Variants in PCDH9 observed in about 807,000 individuals in gnomAD.
The protein encoded by PCDH9 is protocadherin-9.
A neutral mutation model predicts 70.6 loss-of-function variants in PCDH9; 24 were observed. That is an observed-to-expected ratio of 0.34 (90% confidence interval 0.25 to 0.48). The LOEUF (loss-of-function observed/expected upper bound fraction) is 0.48. Ranked by LOEUF, PCDH9 falls within the 20% of genes least tolerant of loss-of-function variation. The pLI, the probability that PCDH9 is intolerant of heterozygous loss-of-function variation, is 0.99. For missense variants in PCDH9, 1,281 were observed against 1,503.6 expected (o/e 0.85, Z 2.45); for synonymous variants, 562 against 558.5 (o/e 1.01, Z -0.09).
At chr13:66,902,967 AG>A (rs1160372613) in intron 3 of PCDH9, among the ~76,000 whole-genome samples, 1 of 151,852 alleles carries the variant, frequency 6.6e-6, no homozygotes, top group Non-Finnish European at 1.5e-5. Flanking sequence ...TTTTTAAAAA[AG>A]AAAGTAATGT....
At chr13:66,756,773 T>A (rs2139238706) in intron 3 of PCDH9, among the ~76,000 whole-genome samples, 1 of 152,300 alleles carries the variant, frequency 6.6e-6, no homozygotes, top group Non-Finnish European at 1.5e-5. Context: ...TTGCTGCTCA[T>A]CTAAGGACAA....
At chr13:67,078,347 A>G (rs1375551758) in intron 2 of PCDH9, among the ~76,000 whole-genome samples, 1 of 152,166 alleles carries the variant, frequency 6.6e-6, no homozygotes, top group Non-Finnish European at 1.5e-5. Context: ...CTTCTTTTGT[A>G]AGTGTGAAAC....
intron 4 of PCDH9, among the ~76,000 whole-genome samples, chr13:66,543,576 A>T (rs1015326485): frequency 1.3e-5 from 2 of 151,990 alleles, no homozygotes; most frequent in Admixed American, 1.3e-4. Flanking sequence ...CAAAAAAAAA[A>T]AAGATTAAGT....
At chr13:67,190,121 T>C (rs1269647414) in intron 2 of PCDH9, among the ~76,000 whole-genome samples, 1 of 152,036 alleles carries the variant, frequency 6.6e-6, no homozygotes, top group Admixed American at 6.6e-5. Flanking sequence ...ATTTTAAATA[T>C]GCAAAGAATC....
At chr13:66,345,450 T>C (rs1366815820) in intron 4 of PCDH9, among the ~76,000 whole-genome samples, 1 of 152,100 alleles carries the variant, frequency 6.6e-6, no homozygotes, top group Non-Finnish European at 1.5e-5. Flanking sequence ...TTCCAAAGCA[T>C]GACAGACTCA....
chr13:66,685,610 C>G (rs1248993871), intron 3 of PCDH9, among the ~76,000 whole-genome samples: 4 of 152,280 alleles, frequency 2.6e-5, no homozygotes, highest in Middle Eastern at 6.8e-3. Context: ...AATGGTAAAT[C>G]CACTGACAGC....
chr13:66,414,360 G>C (rs930618233), intron 4 of PCDH9, among the ~76,000 whole-genome samples: 10 of 152,172 alleles, frequency 6.6e-5, no homozygotes, highest in African/African-American at 2.2e-4. Flanking sequence ...GTAGTGTCTG[G>C]TGATCCAAAG....
chr13:66,861,299 CA>C (rs917131916), intron 3 of PCDH9, among the ~76,000 whole-genome samples: 29 of 152,168 alleles, frequency 1.9e-4, no homozygotes, highest in Non-Finnish European at 2.9e-5. Context: ...GGTGATAAAT[CA>C]GAACTTGGAA....
At chr13:67,214,966 A>ATATGTATATATATATATATATG (rs2089565657) in intron 2 of PCDH9, 1 of 135,034 alleles carries the variant, frequency 7.4e-6, no homozygotes, top group Non-Finnish European at 1.6e-5. Context: ...ATATATATAT[A>ATATGTATATATATATATATATG]TATATATTCA....
At chr13:66,961,937 G>A (rs911590683) in intron 2 of PCDH9, among the ~76,000 whole-genome samples, 1 of 152,064 alleles carries the variant, frequency 6.6e-6, no homozygotes, top group African/African-American at 2.4e-5. Context: ...GGTAATCCCA[G>A]CTACTTGGTA....
rs779651140 is a variant in PCDH9, at chr13:67,226,221, T to C, written c.2220A>G (p.Lys740=). 5.6e-6 allele frequency: 9 copies of C among 1,613,952 alleles called. No homozygotes were observed. The East Asian group carries it at 1.8e-4, about 32-fold the overall frequency. The change falls in exon 2 of 5, where the codon AAA becomes AAG. Residue 740 remains lysine (K), a synonymous_variant. Coordinates refer to ENST00000377865, the MANE Select transcript of PCDH9 (RefSeq NM_203487.3). This position sits in a 1 kb window ranked among gnomAD's most constrained non-coding sequence, Gnocchi z 5.0. ...GCAATCCCACATCAGTAGGTGCTGG[T>C]TTTTCTTCCAGAGTAATGTTACCTG... The part of the protein sequence containing the change: ...PVTGNITLEE[K]PAPTDVGLHR...
intron 2 of PCDH9, among the ~76,000 whole-genome samples, chr13:67,114,214 TA>T (rs1265620721): frequency 2.0e-5 from 3 of 152,186 alleles, no homozygotes; most frequent in Admixed American, 1.3e-4. Flanking sequence ...AGTAGCCTTT[TA>T]AGACATTTTT....
intron 2 of PCDH9, among the ~76,000 whole-genome samples, chr13:67,169,239 T>C (rs937200404): frequency 6.6e-6 from 1 of 152,222 alleles, no homozygotes; most frequent in African/African-American, 2.4e-5. Flanking sequence ...AACTATATAA[T>C]TGTTGAAAAT....
chr13:66,760,235 C>T (rs569055427), intron 3 of PCDH9, among the ~76,000 whole-genome samples: 1 of 152,208 alleles, frequency 6.6e-6, no homozygotes, highest in African/African-American at 2.4e-5. Context: ...TTAAAACTCC[C>T]TTTTATGTTA....
intron 3 of PCDH9, among the ~76,000 whole-genome samples, chr13:66,657,175 G>A (rs1012072808): frequency 2.6e-5 from 4 of 152,080 alleles, no homozygotes; most frequent in African/African-American, 9.7e-5. Context: ...AATTACACAA[G>A]TTTCTACTCC....
intron 4 of PCDH9, among the ~76,000 whole-genome samples, chr13:66,425,215 C>T (rs913457670): frequency 4.0e-5 from 6 of 151,734 alleles, no homozygotes; most frequent in African/African-American, 1.4e-4. Context: ...CTCTCTCTCT[C>T]TACCTAAAAA....
intron 3 of PCDH9, among the ~76,000 whole-genome samples, chr13:66,708,925 C>A (rs1351049067): frequency 6.6e-6 from 1 of 152,150 alleles, no homozygotes; most frequent in East Asian, 1.9e-4. Context: ...ATTATACCAC[C>A]CATAAAGTGT....
At chr13:66,871,585 T>C (rs2081687636) in intron 3 of PCDH9, among the ~76,000 whole-genome samples, 1 of 152,064 alleles carries the variant, frequency 6.6e-6, no homozygotes, top group South Asian at 2.1e-4. Flanking sequence ...TATCACTTTT[T>C]GTGATGGTTT....
chr13:67,082,953 C>A (rs559890071), intron 2 of PCDH9, among the ~76,000 whole-genome samples: 1 of 151,970 alleles, frequency 6.6e-6, no homozygotes, highest in South Asian at 2.1e-4. Context: ...AAATGAAAAC[C>A]CAAGTATAAA....
Sources: gnomAD v4.1 joint callset for allele counts (sites outside exome capture counted in the v4.1 genomes callset) on GRCh38, gnomAD v4.1.1 for gene constraint, Gnocchi (gnomAD v3.1) non-coding constraint, MANE v1.5 for transcripts, NCBI Gene and HGNC (gene_info 2026-07-23, HGNC 2026-07-21) for gene names.